JAKMIP3: variants seen among roughly 807,000 people sequenced by gnomAD.
JAKMIP3 encodes the protein janus kinase and microtubule-interacting protein 3.
Under a neutral mutation model 118.5 loss-of-function variants are expected in JAKMIP3, and 58 were observed. The ratio of observed to expected loss-of-function variants is 0.49; its 90% CI spans 0.40 to 0.61. The LOEUF (loss-of-function observed/expected upper bound fraction) is 0.61, where lower values mean the gene tolerates loss of function less well. Ranked by LOEUF, JAKMIP3 falls within the 20% of genes least tolerant of loss-of-function variation. JAKMIP3 has a pLI of 0.00. For missense variants in JAKMIP3, 950 were observed against 1,109.0 expected (o/e 0.86, Z 2.04); for synonymous variants, 486 against 451.2 (o/e 1.08, Z -0.98).
chr10:132,091,357 C>T (rs2043064283), intron 1 of JAKMIP3, among the ~76,000 whole-genome samples: 1 of 152,140 alleles, frequency 6.6e-6, no homozygotes, highest in Non-Finnish European at 1.5e-5. Flanking sequence ...TCTTGTTGAT[C>T]TGTTTAATGT....
intron 1 of JAKMIP3, among the ~76,000 whole-genome samples, chr10:132,050,870 G>A (rs545466995): frequency 7.2e-5 from 11 of 152,272 alleles, no homozygotes; most frequent in South Asian, 4.1e-4. Context: ...AATTCCAGCC[G>A]TTCTGGTGAG....
Position 132,075,407 on chromosome 10 carries a change from C to CTTTTT in JAKMIP3, c.-138+9360_-138+9364dup, listed in dbSNP as rs375237424. 5.2e-4 allele frequency among the ~76,000 whole-genome samples: 59 copies of CTTTTT among 113,848 alleles called. 3 individuals are homozygous for CTTTTT. Among genetic ancestry groups the CTTTTT allele is most frequent in the South Asian group, 9.2e-4 (3 of 3,248 alleles). 74.7% of individuals were successfully genotyped at this position (113,848 alleles called of 152,430 possible). On this transcript the variant is annotated intron_variant, in intron 1 of 23. Transcript: ENST00000684848. ...GCTATTGCTTTCATATACTTCACCTCTTTTTTTTTTTTTTTTTTAAAGACA... is the reference window on the plus strand; with the variant it reads ...GCTATTGCTTTCATATACTTCACCTCTTTTTTTTTTTTTTTTTTTTTTTAAAGACA...
rs2038037230 is a variant in JAKMIP3 at position 132,049,479 on chromosome 10, T to C, written c.-138+12741T>C. 6.6e-6 allele frequency among the ~76,000 whole-genome samples: 1 copy of C among 151,708 alleles called. No individual in the cohort carries two copies. The highest frequency in any genetic ancestry group is 2.1e-4 in the South Asian group (1 of 4,814). Reference sequence around the variant, plus strand: ...CCTTGGGCATCTTACAATTTATTTCTCATTTTTGAGATGCTTTTTTTTTTC... The same window carrying C: ...CCTTGGGCATCTTACAATTTATTTCCCATTTTTGAGATGCTTTTTTTTTTC... On this transcript the variant is annotated intron_variant, in intron 1 of 23. Transcript: ENST00000657785. This position sits in a 1 kb window ranked among gnomAD's most constrained non-coding sequence, Gnocchi z 4.3.
rs529346392 is a variant in JAKMIP3 at position 132,107,342 on chromosome 10, C to T, written c.135+2399C>T. On this transcript the variant is annotated intron_variant, in intron 2 of 23. Transcript: ENST00000684848. ...CATCTGTGACGCCCCGAGGGACACA[C>T]GCTCCTTGATGGTCAACAGGCCAGG... 3.9e-5 allele frequency among the ~76,000 whole-genome samples: 6 copies of T among 152,338 alleles called. No individual in the cohort carries two copies. The South Asian group carries it at 1.0e-3, about 26-fold the overall frequency.
chr10:132,075,407 C>CTTTT (rs375237424), intron 1 of JAKMIP3, among the ~76,000 whole-genome samples: 4,014 of 113,772 alleles, frequency 0.035, 188 homozygotes, highest in South Asian at 0.14. Flanking sequence ...TACTTCACCT[C>CTTTT]TTTTTTTTTT....
chr10:132,038,456 GC>G (rs1237654552), intron 1 of JAKMIP3, among the ~76,000 whole-genome samples: 1 of 152,100 alleles, frequency 6.6e-6, no homozygotes, highest in Non-Finnish European at 1.5e-5. Context: ...ATAACAATAA[GC>G]TAATTTTTAA....
At chr10:132,107,067 A>G (rs1382057606) in intron 2 of JAKMIP3, among the ~76,000 whole-genome samples, 1 of 84,946 alleles carries the variant, frequency 1.2e-5, no homozygotes, top group Non-Finnish European at 2.4e-5. Flanking sequence ...TTTTTTTTTT[A>G]ACTTTTTTGT....
At chr10:132,157,197 C>G (rs1342385274) in intron 19 of JAKMIP3, among the ~76,000 whole-genome samples, 1 of 152,182 alleles carries the variant, frequency 6.6e-6, no homozygotes, top group East Asian at 1.9e-4. Flanking sequence ...ACCCCACTTG[C>G]TGGTTCTCTT....
intron 12 of JAKMIP3, 22 bp downstream of exon 12, chr10:132,145,212 C>T (rs375539187): frequency 2.5e-5 from 39 of 1,582,692 alleles, no homozygotes; most frequent in Middle Eastern, 1.7e-4. Flanking sequence ...GCCATCTGCA[C>T]GGGCGTGGGG....
chr10:132,067,067 G>A (rs2038906019), intron 1 of JAKMIP3, among the ~76,000 whole-genome samples: 1 of 152,052 alleles, frequency 6.6e-6, no homozygotes, highest in African/African-American at 2.4e-5. Context: ...GTGGTAAAAC[G>A]CCACCTCAGT....
chr10:132,127,748 A>G lies in JAKMIP3; in HGVS notation c.634-5564A>G, dbSNP rs116186922. 5.9e-3 allele frequency among the ~76,000 whole-genome samples: 891 copies of G among 152,064 alleles called. 6 individuals carry two copies. The highest frequency in any genetic ancestry group is 0.021 in the African/African-American group (852 of 41,448). On this transcript the variant is annotated intron_variant, in intron 3 of 23. Transcript: ENST00000684848. The stretch of plus-strand genomic sequence containing the variant: ...TGGGGTTATCCCATGGGGTTATCCA[A>G]TCATTGTATGGGATTATCTCCTTTT...
upstream of JAKMIP3, among the ~76,000 whole-genome samples, chr10:132,061,179 A>C (rs1023750204): frequency 8.3e-6 from 1 of 120,116 alleles, no homozygotes; most frequent in Non-Finnish European, 2.0e-5. Flanking sequence ...GCACACACAC[A>C]CCTGCCGTGA....
intron 1 of JAKMIP3, among the ~76,000 whole-genome samples, chr10:132,069,782 A>C (rs1295064862): frequency 6.6e-6 from 1 of 152,120 alleles, no homozygotes; most frequent in Non-Finnish European, 1.5e-5. Context: ...CAAAGTGTGA[A>C]AGTGAGGTGG....
chr10:132,078,944 T>C lies in JAKMIP3; in HGVS notation c.-138+12883T>C, dbSNP rs535236296. The stretch of plus-strand genomic sequence containing the variant: ...CCGTCACGAGCCGGTGTTGTCTGAC[T>C]GCACAGGCCGTCAGGCGCAGCGCAG... On this transcript the variant is annotated intron_variant, in intron 1 of 23. Transcript: ENST00000684848. Among the ~76,000 whole-genome samples, 205 of 152,340 alleles carry C rather than the reference T, an allele frequency of 1.3e-3. 1 individual carries two copies. Among genetic ancestry groups the C allele is most frequent in the Non-Finnish European group, 2.2e-3 (148 of 68,032 alleles).
At chr10:132,159,116 C>A (rs1589983078) in intron 19 of JAKMIP3, among the ~76,000 whole-genome samples, 1 of 121,490 alleles carries the variant, frequency 8.2e-6, no homozygotes, top group Non-Finnish European at 1.8e-5. Flanking sequence ...GGGCGTCTCT[C>A]CCCGTGTGAT....
chr10:132,129,875 CTTT>C (rs5789115), intron 3 of JAKMIP3, among the ~76,000 whole-genome samples: 25 of 138,818 alleles, frequency 1.8e-4, no homozygotes, highest in African/African-American at 6.1e-4. Context: ...GCATCAGTAC[CTTT>C]TTTTTTTTTT....
Position 132,145,518 on chromosome 10 carries a change from G to T in JAKMIP3, c.1687G>T (p.Asp563Tyr). ...TATTTCTTTCAATTCCATTTGCAAG[G>T]ATATGAAGTGGATTGAAGAGAAGCA... ...LEKALAEQGQDMKWIEEKQAL... is the reference protein window; with the variant it reads ...LEKALAEQGQYMKWIEEKQAL... Residue 563 changes from aspartate to tyrosine, a missense_variant and splice_region_variant, in exon 13 of 24, where the codon GAT (aspartate) becomes TAT (tyrosine). Physicochemically the swap from Asp to Tyr is radical, Grantham distance 160 (BLOSUM62 -3). Transcript: ENST00000684848. 1 of 1,557,814 alleles carries T rather than the reference G, an allele frequency of 6.4e-7. No homozygotes were observed. Among genetic ancestry groups the T allele is most frequent in the Non-Finnish European group, 8.7e-7 (1 of 1,150,432 alleles).
chr10:132,152,508 G>A (rs1309333653), intron 16 of JAKMIP3, among the ~76,000 whole-genome samples: 2 of 152,194 alleles, frequency 1.3e-5, no homozygotes, highest in African/African-American at 4.8e-5. Context: ...CAGGGATTCA[G>A]CCATTTCACA....
intron 3 of JAKMIP3, among the ~76,000 whole-genome samples, chr10:132,122,297 C>G (rs953109268): frequency 1.4e-5 from 2 of 147,662 alleles, no homozygotes; most frequent in African/African-American, 5.1e-5. Flanking sequence ...GACTGCCCCC[C>G]GGTCGGCTCC....
Sources: gnomAD v4.1 joint callset for allele counts (sites outside exome capture counted in the v4.1 genomes callset) on GRCh38, gnomAD v4.1.1 for gene constraint, Gnocchi (gnomAD v3.1) non-coding constraint, MANE v1.5 for transcripts, NCBI Gene and HGNC (gene_info 2026-07-23, HGNC 2026-07-21) for gene names.